Variants in ACER3 observed in about 807,000 individuals in gnomAD.
The protein encoded by ACER3 is alkCDase 3.
Under a neutral mutation model 48.9 loss-of-function variants are expected in ACER3, and 16 were observed. That is an observed-to-expected ratio of 0.33 (90% CI 0.22 to 0.50). The LOEUF (loss-of-function observed/expected upper bound fraction) is 0.50. Ranked by LOEUF, ACER3 falls within the 20% of genes least tolerant of loss-of-function variation. ACER3 has a pLI of 0.98. For missense variants in ACER3, 227 were observed against 326.0 expected (o/e 0.70, Z 2.34); for synonymous variants, 109 against 107.8 (o/e 1.01, Z -0.07).
rs1156610809 is a variant in ACER3, at chr11:76,867,468, C to CAAAAAAAA, written c.103+6411_103+6418dup. On this transcript the variant is annotated intron_variant, in intron 1 of 10. Coordinates refer to ENST00000532485, the MANE Select transcript of ACER3 (RefSeq NM_018367.7). The stretch of plus-strand genomic sequence containing the variant: ...TTGGTGACAGAGTGAGACTCTGTCT[C>CAAAAAAAA]AAAAAAAAAAAAAAAAAAAAAAAAA... Among the ~76,000 whole-genome samples, 187 of 19,610 alleles carry CAAAAAAAA rather than the reference C, an allele frequency of 9.5e-3. 16 individuals carry two copies. Among genetic ancestry groups the CAAAAAAAA allele is most frequent in the African/African-American group, 0.029 (178 of 6,038 alleles). 12.9% of individuals were successfully genotyped at this position (19,610 alleles called of 152,430 possible). A position where few individuals can be genotyped will look rare whatever the true frequency, so the allele number is the denominator to read the frequency against.
At chr11:76,971,868 T>C (rs1336480777) in intron 3 of ACER3, among the ~76,000 whole-genome samples, 1 of 152,048 alleles carries the variant, frequency 6.6e-6, no homozygotes, top group African/African-American at 2.4e-5. Context: ...CCTTTAAAGG[T>C]GTCAGATTCT....
At chr11:76,922,809 C>A (rs1464307684) in intron 1 of ACER3, among the ~76,000 whole-genome samples, 1 of 151,940 alleles carries the variant, frequency 6.6e-6, no homozygotes, top group African/African-American at 2.4e-5. Flanking sequence ...TTAATAGGGA[C>A]AACAATACTT....
rs1949456166 is a variant in ACER3, at chr11:77,020,557, T to C, written c.*230T>C. 2.0e-6 allele frequency: 1 copy of C among 504,688 alleles called. No homozygotes were observed. Among genetic ancestry groups the C allele is most frequent in the South Asian group, 2.4e-5 (1 of 41,510 alleles). The allele number at this position is 504,688 out of a possible 1,614,324, so 31.3% of individuals were successfully genotyped here. A position where few individuals can be genotyped will look rare whatever the true frequency, so the allele number is the denominator to read the frequency against. On this transcript the variant is annotated 3_prime_UTR_variant, in exon 11 of 11. Transcript: ENST00000532485. ...CCTCCTCCTTTCACGCTCCAGTTTATAAAGAAACAGAGATGATGTGTGTGT... is the reference window on the plus strand; with the variant it reads ...CCTCCTCCTTTCACGCTCCAGTTTACAAAGAAACAGAGATGATGTGTGTGT...
At chr11:76,954,030 C>T (rs1947764385) in intron 2 of ACER3, among the ~76,000 whole-genome samples, 2 of 151,776 alleles carry the variant, frequency 1.3e-5, no homozygotes, top group African/African-American at 4.9e-5. Flanking sequence ...TTACCACAAC[C>T]TCCGCCACCC....
intron 3 of ACER3, among the ~76,000 whole-genome samples, chr11:76,973,161 G>A (rs1030975921): frequency 2.0e-5 from 3 of 152,226 alleles, no homozygotes; most frequent in African/African-American, 7.2e-5. Context: ...GGGAAAGGCA[G>A]GCAACGGATT....
intron 1 of ACER3, among the ~76,000 whole-genome samples, chr11:76,924,246 C>T (rs538116116): frequency 6.6e-6 from 1 of 152,298 alleles, no homozygotes; most frequent in East Asian, 1.9e-4. Flanking sequence ...TCTCCCCTTC[C>T]CTCTGCTCCC....
chr11:76,978,869 A>G (rs1339078641), intron 4 of ACER3, among the ~76,000 whole-genome samples: 1 of 152,206 alleles, frequency 6.6e-6, no homozygotes, highest in Non-Finnish European at 1.5e-5. Flanking sequence ...GGTGTATCTG[A>G]TCAAACCGCA....
intron 1 of ACER3, among the ~76,000 whole-genome samples, chr11:76,871,671 G>A (rs149588486): frequency 6.6e-6 from 1 of 152,206 alleles, no homozygotes; most frequent in Admixed American, 6.5e-5. Flanking sequence ...GATGGCAAAT[G>A]TTTCCTATTC....
intron 1 of ACER3, among the ~76,000 whole-genome samples, chr11:76,891,141 A>G (rs1292336764): frequency 6.6e-6 from 1 of 151,870 alleles, no homozygotes; most frequent in African/African-American, 2.4e-5. Context: ...TTACATAATA[A>G]AAGAATTGTC....
intron 1 of ACER3, among the ~76,000 whole-genome samples, chr11:76,915,538 A>C (rs1946504422): frequency 6.6e-6 from 1 of 152,126 alleles, no homozygotes; most frequent in African/African-American, 2.4e-5. Flanking sequence ...TGAGAGAGGC[A>C]ATGCGATAAT....
intron 1 of ACER3, among the ~76,000 whole-genome samples, chr11:76,922,910 TC>T (rs2134790952): frequency 6.6e-6 from 1 of 152,292 alleles, no homozygotes; most frequent in East Asian, 1.9e-4. Flanking sequence ...ATATTTTTGT[TC>T]CTTTCTCTCC....
chr11:76,940,233 C>T (rs1014078492), intron 2 of ACER3, among the ~76,000 whole-genome samples: 19 of 152,054 alleles, frequency 1.2e-4, no homozygotes, highest in African/African-American at 4.4e-4. Flanking sequence ...GTCCTCCCAC[C>T]TCAGCCTCCC....
At chr11:76,889,082 G>A (rs1006250007) in intron 1 of ACER3, among the ~76,000 whole-genome samples, 11 of 152,274 alleles carry the variant, frequency 7.2e-5, no homozygotes, top group Admixed American at 5.2e-4. Context: ...AGCCCCACAA[G>A]CATCTCAGCT....
At chr11:76,986,796 G>A (rs1425454802) in intron 5 of ACER3, among the ~76,000 whole-genome samples, 3 of 152,170 alleles carry the variant, frequency 2.0e-5, no homozygotes, top group Non-Finnish European at 4.4e-5. Flanking sequence ...TAGGCGCAGT[G>A]GCCCACTCCT....
chr11:76,868,387 CTCTCTGTGTG>C (rs879036027), intron 1 of ACER3: 16,236 of 407,958 alleles, frequency 0.04, 21 homozygotes, highest in South Asian at 0.058. Context: ...CTCTCTCTCT[CTCTCTGTGTG>C]TGTGTGTGTG....
At chr11:76,984,106 T>C (rs963009402) in intron 4 of ACER3, among the ~76,000 whole-genome samples, 3 of 152,146 alleles carry the variant, frequency 2.0e-5, no homozygotes, top group Non-Finnish European at 4.4e-5. Context: ...TTTTTAAATC[T>C]GTCTTGCCTT....
rs74800106 is a variant in ACER3 at position 77,020,256 on chromosome 11, T to C, written c.751-18T>C. On this transcript the variant is annotated intron_variant, in intron 10 of 10. Coordinates refer to ENST00000532485, the MANE Select transcript of ACER3 (RefSeq NM_018367.7). ...AATTCTGTCTTTTCTCATTTTGTCC[T>C]AATTTGTCCCCAAACAGTTTCTCTT... 453 of 1,613,012 alleles carry C rather than the reference T, an allele frequency of 2.8e-4. 2 individuals are homozygous for C. In the African/African-American group the frequency reaches 5.8e-3, roughly 21 times the overall value.
intron 1 of ACER3, among the ~76,000 whole-genome samples, chr11:76,861,982 G>T (rs950350828): frequency 6.6e-6 from 1 of 152,204 alleles, no homozygotes; most frequent in Non-Finnish European, 1.5e-5. Context: ...GATTTTTCCT[G>T]CCAGGCTAGG....
chr11:76,952,665 T>C lies in ACER3; in HGVS notation c.215-6314T>C, dbSNP rs540131801. ...AAATGGCTATAGAAGTTACGTAAGA[T>C]TTCTTTTTTTTTTTTTTTTTAGACA... On this transcript the variant is annotated intron_variant, in intron 2 of 10. Transcript: ENST00000532485. Among the ~76,000 whole-genome samples the C allele has an allele frequency of 4.4e-5, 4 of 90,538 alleles. No individual in the cohort carries two copies. The East Asian group carries it at 1.2e-3, about 28-fold the overall frequency. The allele number at this position is 90,538 out of a possible 152,430, so 59.4% of individuals were successfully genotyped here.
Sources: allele counts gnomAD v4.1 joint callset (sites outside exome capture counted in the v4.1 genomes callset), GRCh38; gene constraint gnomAD v4.1.1; transcripts MANE v1.5; gene names NCBI Gene and HGNC (gene_info 2026-07-23, HGNC 2026-07-21).